RAPGEF1: variants seen among roughly 807,000 people sequenced by gnomAD.
RAPGEF1 encodes CRK SH3-binding GNRP.
A neutral mutation model predicts 143.3 loss-of-function variants in RAPGEF1; 33 were observed. The observed-to-expected ratio is 0.23, with a 90% CI of 0.17 to 0.31. The LOEUF (loss-of-function observed/expected upper bound fraction) is 0.31. RAPGEF1 is among the 10% of genes least tolerant of loss of function. RAPGEF1 has a pLI of 1.00. For missense variants in RAPGEF1, 1,199 were observed against 1,645.4 expected (o/e 0.73, Z 4.69); for synonymous variants, 629 against 676.5 (o/e 0.93, Z 1.09).
chr9:131,737,464 T>C lies in RAPGEF1; in HGVS notation c.61+2306A>G, dbSNP rs185241866. The C allele has an allele frequency of 1.8e-4, 296 of 1,613,798 alleles. 6 individuals are homozygous for C. The Middle Eastern group carries it at 0.013, about 70-fold the overall frequency. On this transcript the variant is annotated intron_variant, in intron 1 of 26. Coordinates refer to ENST00000683357, the MANE Select transcript of RAPGEF1 (RefSeq NM_001377935.1). Reference sequence around the variant, plus strand: ...AGCCTGGGTAGCTTAGAAACTGTGCTAGGTTAGACAAGCTTCTCTGGGAGC... The same window carrying C: ...AGCCTGGGTAGCTTAGAAACTGTGCCAGGTTAGACAAGCTTCTCTGGGAGC...
rs531465346 is a variant in RAPGEF1 at position 131,589,228 on chromosome 9, G to A, written c.2868-242C>T. Among the ~76,000 whole-genome samples the A allele has an allele frequency of 4.6e-5, 7 of 152,342 alleles. 1 individual carries two copies. The East Asian group carries it at 7.7e-4, about 17-fold the overall frequency. ...AGCCATCTGTTGGCGCTGGACAAGC[G>A]CCAGTGACTGTGCTGGGGCCTGGGC... On this transcript the variant is annotated intron_variant, in intron 19 of 26. Transcript: ENST00000683357.
chr9:131,682,250 A>C (rs553066910), intron 1 of RAPGEF1, among the ~76,000 whole-genome samples: 5 of 152,364 alleles, frequency 3.3e-5, no homozygotes, highest in African/African-American at 1.2e-4. Flanking sequence ...AAATGTAAAA[A>C]AGGAAAACAT....
intron 1 of RAPGEF1, among the ~76,000 whole-genome samples, chr9:131,707,324 T>C (rs997041974): frequency 1.3e-5 from 2 of 152,248 alleles, no homozygotes; most frequent in African/African-American, 2.4e-5. Context: ...AAAGAAAGTA[T>C]AACAAACCTC....
chr9:131,693,745 C>T (rs1833942092), intron 1 of RAPGEF1, among the ~76,000 whole-genome samples: 1 of 152,082 alleles, frequency 6.6e-6, no homozygotes, highest in Non-Finnish European at 1.5e-5. Flanking sequence ...TTTCCAAACC[C>T]CAGATCCCAT....
chr9:131,726,958 G>A (rs1243069235), intron 1 of RAPGEF1, among the ~76,000 whole-genome samples: 1 of 152,024 alleles, frequency 6.6e-6, no homozygotes, highest in Non-Finnish European at 1.5e-5. Flanking sequence ...GAGCCACGAT[G>A]GTACCACTGC....
At chr9:131,661,248 C>T (rs1036722068) in intron 1 of RAPGEF1, among the ~76,000 whole-genome samples, 5 of 152,242 alleles carry the variant, frequency 3.3e-5, no homozygotes, top group African/African-American at 1.2e-4. Flanking sequence ...TGAACCGTGG[C>T]ACCGTCGCAC....
intron 10 of RAPGEF1, among the ~76,000 whole-genome samples, chr9:131,625,146 T>C (rs553830358): frequency 5.5e-4 from 84 of 152,338 alleles, no homozygotes; most frequent in African/African-American, 1.9e-3. Flanking sequence ...GTGTGGCTAA[T>C]GTGACCACAC....
chr9:131,675,584 C>T lies in RAPGEF1; in HGVS notation c.62-24635G>A, dbSNP rs1832198693. Among the ~76,000 whole-genome samples, 1 of 152,364 alleles carries T rather than the reference C, an allele frequency of 6.6e-6. No homozygotes were observed. The highest frequency in any genetic ancestry group is 2.4e-5 in the African/African-American group (1 of 41,588). Reference sequence around the variant, plus strand: ...TCTAGATAAAAATGAATTCCCCAACCATGTCTTACAGCAAATTGCCACAAG... The same window carrying T: ...TCTAGATAAAAATGAATTCCCCAACTATGTCTTACAGCAAATTGCCACAAG... On this transcript the variant is annotated intron_variant, in intron 1 of 26. Coordinates refer to ENST00000683357, the MANE Select transcript of RAPGEF1 (RefSeq NM_001377935.1). This position sits in a 1 kb window ranked among gnomAD's most constrained non-coding sequence, Gnocchi z 4.6.
chr9:131,639,495 C>A (rs1026122435), intron 4 of RAPGEF1, among the ~76,000 whole-genome samples: 9 of 151,518 alleles, frequency 5.9e-5, no homozygotes, highest in Non-Finnish European at 1.3e-4. Flanking sequence ...ACCAGCTACA[C>A]TGTGATGCCA....
intron 1 of RAPGEF1, among the ~76,000 whole-genome samples, chr9:131,685,183 T>C (rs1833237522): frequency 6.6e-6 from 1 of 152,228 alleles, no homozygotes; most frequent in South Asian, 2.1e-4. Context: ...GATTGTGCTT[T>C]TAATCTGTGT....
intron 1 of RAPGEF1, among the ~76,000 whole-genome samples, chr9:131,732,690 T>TGGCAA (rs78969224): frequency 0.28 from 42,116 of 151,906 alleles, 6,287 homozygotes; most frequent in Non-Finnish European, 0.34. Context: ...ACATCCTAAT[T>TGGCAA]GGCAATTTGA....
intron 16 of RAPGEF1, 125 bp downstream of exon 16, chr9:131,598,074 T>C (rs544863089): frequency 1.8e-5 from 14 of 782,304 alleles, no homozygotes; most frequent in African/African-American, 8.6e-5. Context: ...ACCAGGGGCA[T>C]TGAAAGACTT....
Position 131,577,336 on chromosome 9 carries a change from C to T in RAPGEF1, c.*2161G>A, listed in dbSNP as rs1473766680. On this transcript the variant is annotated 3_prime_UTR_variant, in exon 27 of 27. Transcript: ENST00000683357. ...TGCCTGGGCACACTGGGGCCAGGCACAGGGTCTGTTCTGAATTCAGGGAAG... is the reference window on the plus strand; with the variant it reads ...TGCCTGGGCACACTGGGGCCAGGCATAGGGTCTGTTCTGAATTCAGGGAAG... 1 of 152,394 alleles carries T rather than the reference C, an allele frequency of 6.6e-6. No individual in the cohort carries two copies. Among genetic ancestry groups the T allele is most frequent in the African/African-American group, 2.4e-5 (1 of 41,480 alleles). 9.4% of individuals were successfully genotyped at this position (152,394 alleles called of 1,614,324 possible). A position where few individuals can be genotyped will look rare whatever the true frequency, so the allele number is the denominator to read the frequency against.
chr9:131,664,065 T>C (rs975731084), intron 1 of RAPGEF1, among the ~76,000 whole-genome samples: 58 of 152,224 alleles, frequency 3.8e-4, no homozygotes, highest in Non-Finnish European at 2.8e-4. Flanking sequence ...CAGTGTGTTA[T>C]AATCCATTAT....
chr9:131,719,653 C>T (rs1836120212), intron 1 of RAPGEF1, among the ~76,000 whole-genome samples: 1 of 148,858 alleles, frequency 6.7e-6, no homozygotes, highest in Non-Finnish European at 1.5e-5. Context: ...CATGCAGTAC[C>T]AGGCTCCTTT....
rs182198964 is a variant in RAPGEF1, at chr9:131,726,720, G to T, written c.61+13050C>A. Among the ~76,000 whole-genome samples, 138 of 152,276 alleles carry T rather than the reference G, an allele frequency of 9.1e-4. 1 individual carries two copies. Among genetic ancestry groups the T allele is most frequent in the African/African-American group, 3.2e-3 (134 of 41,558 alleles). On this transcript the variant is annotated intron_variant, in intron 1 of 26. Transcript: ENST00000683357. ...CGGCAAGAAGGCTTTTTCACTCAGG[G>T]TGATGGAATTGGCCTGTATTCTGAA...
At chr9:131,737,505 C>G (rs1203783128) in intron 1 of RAPGEF1, 1 of 1,613,158 alleles carries the variant, frequency 6.2e-7, no homozygotes, top group Admixed American at 1.7e-5. Flanking sequence ...CTTTCATCTA[C>G]AACCCCCTAG....
chr9:131,666,704 G>C (rs1830494251), intron 1 of RAPGEF1, among the ~76,000 whole-genome samples: 1 of 152,128 alleles, frequency 6.6e-6, no homozygotes, highest in Non-Finnish European at 1.5e-5. Flanking sequence ...TTTTTTAATT[G>C]ACCCAATTTA....
At position 131,626,363 on chromosome 9, in the gene RAPGEF1, G is replaced by A; in HGVS notation, c.1261C>T (p.Pro421Ser). Residue 421 changes from proline (P) to serine (S), a missense_variant, in exon 10 of 27, where the codon CCT becomes TCT. Physicochemically the swap from Pro to Ser is moderately conservative, Grantham distance 74. Around this residue, in one of 6 missense-constraint regions of RAPGEF1, gnomAD observed 613 missense variants for 710.9 expected, o/e 0.86. Coordinates refer to ENST00000683357, the MANE Select transcript of RAPGEF1 (RefSeq NM_001377935.1). ...QQDLSNADQI[P>S]QQTAWNLSPL... ...CTAAGGTTCCAGGCCGTCTGCTGAGGTATCTGGTCTGCGTTAGAGAGGTCT... is the reference window on the plus strand; with the variant it reads ...CTAAGGTTCCAGGCCGTCTGCTGAGATATCTGGTCTGCGTTAGAGAGGTCT... 1 of 1,613,986 alleles carries A rather than the reference G, an allele frequency of 6.2e-7. No individual in the cohort carries two copies. The highest frequency in any genetic ancestry group is 1.3e-5 in the African/African-American group (1 of 75,060).
Sources: gnomAD v4.1 joint callset for allele counts (sites outside exome capture counted in the v4.1 genomes callset) on GRCh38, gnomAD v4.1.1 for gene constraint, gnomAD v4.1.1 regional missense constraint, Gnocchi (gnomAD v3.1) non-coding constraint, MANE v1.5 for transcripts, NCBI Gene and HGNC (gene_info 2026-07-23, HGNC 2026-07-21) for gene names.